MROH1: variants seen among roughly 807,000 people sequenced by gnomAD.
MROH1 encodes the protein maestro heat-like repeat-containing protein family member 1.
In MROH1, 117 loss-of-function variants were observed where a neutral mutation model predicts 116.5. The ratio of observed to expected loss-of-function variants is 1.00; its 90% CI spans 0.86 to 1.17. MROH1 has a LOEUF of 1.17. Ranked by LOEUF, MROH1 falls within the 50% of genes most tolerant of loss-of-function variation. The probability of loss-of-function intolerance (pLI) is 0.00; values close to 1 mark genes in which losing one functional copy is unlikely to be tolerated. For missense variants in MROH1, 1,873 were observed against 1,338.5 expected, an observed-to-expected ratio of 1.40 and a Z score of -6.23; for synonymous variants, 921 against 583.9, an observed-to-expected ratio of 1.58 and a Z score of -8.32.
chr8:144,199,286 TGGGGTACTGGTC>T (rs1175230229), intron 11 of MROH1, 86 bp downstream of exon 11: 8 of 1,400,790 alleles, frequency 5.7e-6, no homozygotes, highest in Non-Finnish European at 7.9e-6. Context: ...TGGTGGTGGC[TGGGGTACTGGTC>T]GGGGATGAGG....
intron 28 of MROH1, among the ~76,000 whole-genome samples, 155 bp downstream of exon 28, chr8:144,244,694 C>T (rs1841588407): frequency 6.6e-6 from 1 of 152,180 alleles, no homozygotes; most frequent in Non-Finnish European, 1.5e-5. Flanking sequence ...GCACCCCCTC[C>T]CATCTGGGCT....
chr8:144,192,729 G>A (rs2131618991), intron 10 of MROH1: 3 of 486,174 alleles, frequency 6.2e-6, no homozygotes, highest in South Asian at 1.9e-5. Flanking sequence ...ACTGCCCTGA[G>A]TTTCTGGGGA....
At chr8:144,204,446 A>G (rs1367968395) in intron 12 of MROH1, among the ~76,000 whole-genome samples, 1 of 152,206 alleles carries the variant, frequency 6.6e-6, no homozygotes, top group Non-Finnish European at 1.5e-5. Flanking sequence ...TATTTGAAGT[A>G]TAATACACAT....
At chr8:144,253,485 T>C (rs993232370) in intron 33 of MROH1, among the ~76,000 whole-genome samples, 13 of 152,194 alleles carry the variant, frequency 8.5e-5, no homozygotes, top group African/African-American at 3.1e-4. Flanking sequence ...GGCTTGGCTG[T>C]TGTATGCAGC....
chr8:144,156,928 G>A (rs1018552956), intron 1 of MROH1, among the ~76,000 whole-genome samples: 52 of 150,172 alleles, frequency 3.5e-4, no homozygotes, highest in African/African-American at 1.2e-3. Context: ...GATTACAGGC[G>A]CACACCACCA....
chr8:144,166,672 G>A (rs562126809), intron 3 of MROH1, among the ~76,000 whole-genome samples: 1 of 152,132 alleles, frequency 6.6e-6, no homozygotes, highest in African/African-American at 2.4e-5. Flanking sequence ...GGGTGGAGGT[G>A]GGGTGGTGAG....
At chr8:144,194,219 C>T (rs1829307378) in intron 10 of MROH1, among the ~76,000 whole-genome samples, 1 of 151,544 alleles carries the variant, frequency 6.6e-6, no homozygotes, top group Non-Finnish European at 1.5e-5. Flanking sequence ...CGCACCACCA[C>T]GCCTGGCTAA....
At chr8:144,230,709 G>A (rs1305079268) in intron 14 of MROH1, among the ~76,000 whole-genome samples, 1 of 150,200 alleles carries the variant, frequency 6.7e-6, no homozygotes, top group East Asian at 1.9e-4. Context: ...AGTTTGAGAA[G>A]GATTGGCATT....
rs77265228 is a variant in MROH1 at position 144,202,136 on chromosome 8, G to A, written c.1141+1595G>A. On this transcript the variant is annotated intron_variant, in intron 12 of 43. Coordinates refer to ENST00000326134, the MANE Select transcript of MROH1 (RefSeq NM_032450.3). ...GTAGGCACCTCAGGACACCTTCAGC[G>A]GCCCTTGCCCCAGCAGAAGCAGCCT... is the stretch of plus-strand genomic sequence containing the variant. Among the ~76,000 whole-genome samples the A allele has an allele frequency of 0.027, 4,068 of 152,288 alleles. 472 individuals are homozygous for A. The East Asian group carries it at 0.35, about 13-fold the overall frequency.
chr8:144,179,398 C>CAAA lies in MROH1; in HGVS notation c.169-56_169-55insAAA, dbSNP rs1824949298. 16 of 1,598,364 alleles carry CAAA rather than the reference C, an allele frequency of 1.0e-5. No individual in the cohort carries two copies. The South Asian group carries it at 1.8e-4, about 18-fold the overall frequency. On this transcript the variant is annotated intron_variant, in intron 4 of 43. Coordinates refer to ENST00000326134, the MANE Select transcript of MROH1 (RefSeq NM_032450.3). The stretch of plus-strand genomic sequence containing the variant: ...TCTTGTAGAGACAGTGACAGGCACT[C>CAAA]AGAGTGTCTGGGTGTGGGGCTCACC...
At chr8:144,237,551 G>A (rs1270454316) in intron 14 of MROH1, among the ~76,000 whole-genome samples, 3 of 152,152 alleles carry the variant, frequency 2.0e-5, no homozygotes, top group Non-Finnish European at 4.4e-5. Context: ...TCTGTTATCC[G>A]AAGGCTAGCA....
intron 4 of MROH1, among the ~76,000 whole-genome samples, chr8:144,172,393 A>T (rs1179649612): frequency 1.3e-5 from 2 of 151,432 alleles, no homozygotes; most frequent in Non-Finnish European, 2.9e-5. Flanking sequence ...TCCTTAGGCA[A>T]CATTTAACTT....
chr8:144,241,257 T>G (rs1211491940), intron 21 of MROH1, 138 bp from the exon 22 acceptor site: 13 of 688,420 alleles, frequency 1.9e-5, no homozygotes, highest in Non-Finnish European at 2.7e-5. Flanking sequence ...GCAGAGAGGG[T>G]GTGTGCATGT....
At chr8:144,179,165 G>A (rs1824877478) in intron 4 of MROH1, among the ~76,000 whole-genome samples, 1 of 152,074 alleles carries the variant, frequency 6.6e-6, no homozygotes, top group Non-Finnish European at 1.5e-5. Context: ...AGTGTCATGT[G>A]ACTGGGAGAC....
intron 1 of MROH1, among the ~76,000 whole-genome samples, chr8:144,151,851 C>T (rs1387839676): frequency 1.3e-5 from 2 of 152,224 alleles, no homozygotes; most frequent in African/African-American, 4.8e-5. Context: ...ACACGCCCTG[C>T]GACGGGGACA....
At chr8:144,258,967 C>T in intron 36 of MROH1, 53 bp downstream of exon 36, 1 of 682,386 alleles carries the variant, frequency 1.5e-6, no homozygotes, top group Non-Finnish European at 2.7e-6. Context: ...TCCACCGGAT[C>T]TCGAGCCCAG....
At chr8:144,159,080 G>A (rs1052759190) in intron 1 of MROH1, among the ~76,000 whole-genome samples, 2 of 152,170 alleles carry the variant, frequency 1.3e-5, no homozygotes, top group African/African-American at 2.4e-5. Flanking sequence ...ACAGAGGGCC[G>A]GGCACAGTGG....
At chr8:144,168,743 G>A (rs1166228796) in intron 4 of MROH1, among the ~76,000 whole-genome samples, 1 of 152,192 alleles carries the variant, frequency 6.6e-6, no homozygotes, top group Non-Finnish European at 1.5e-5. Flanking sequence ...CCTAGTGCCT[G>A]AGGGACAGAC....
chr8:144,168,390 C>T lies in MROH1; in HGVS notation c.118C>T (p.Pro40Ser). Reference protein sequence around the residue: ...SALCSLGEARPVETLRACEEY... With the variant: ...SALCSLGEARSVETLRACEEY... ...CCTGTGCTCCCTCGGGGAGGCGCGG[C>T]CGGTGGAGACGCTCCGTGCCTGCGA... is the stretch of plus-strand genomic sequence containing the variant. Residue 40 changes from proline (P) to serine (S), a missense_variant, in exon 4 of 44, where the codon CCG (proline) becomes TCG (serine). Pro to Ser is a moderately conservative substitution (Grantham distance 74, BLOSUM62 -1). Transcript: ENST00000326134. 6.2e-7 allele frequency: 1 copy of T among 1,611,574 alleles called. No homozygotes were observed. Among genetic ancestry groups the T allele is most frequent in the Non-Finnish European group, 8.5e-7 (1 of 1,179,586 alleles).
Sources: allele counts gnomAD v4.1 joint callset (sites outside exome capture counted in the v4.1 genomes callset), GRCh38; gene constraint gnomAD v4.1.1; transcripts MANE v1.5; gene names NCBI Gene and HGNC (gene_info 2026-07-23, HGNC 2026-07-21).